RYR2: variants seen among roughly 807,000 people sequenced by gnomAD.
RYR2 encodes the protein ryanodine receptor 2, also known as cardiac muscle ryanodine receptor-calcium release channel.
In RYR2, 227 loss-of-function variants were observed where a neutral mutation model predicts 601.1. The ratio of observed to expected loss-of-function variants is 0.38; its 90% CI spans 0.34 to 0.42. The LOEUF is 0.42. Among genes scored for constraint, RYR2 ranks in the 10% least tolerant of loss-of-function variants. The pLI is 1.00. For synonymous variants in RYR2, 2,223 were observed against 2,175.1 expected (o/e 1.02, Z -0.61); for missense variants, 4,646 against 6,156.5 (o/e 0.75, Z 8.21).
chr1:237,091,550 G>A (rs141591348), intron 1 of RYR2, among the ~76,000 whole-genome samples: 1,530 of 152,026 alleles, frequency 0.01, 26 homozygotes, highest in African/African-American at 0.033. Flanking sequence ...TCAGCCTCCC[G>A]AGTAGCTGGG....
In RYR2 at chr1:237,460,534, C is replaced by T. The variant is rs190343061; in HGVS notation, c.1612+3799C>T. On this transcript the variant is annotated intron_variant, in intron 16 of 104. Transcript: ENST00000366574. The stretch of plus-strand genomic sequence containing the variant: ...TATGAACTGAATTCTAATCAGAATG[C>T]TTTTATTCACTACCTAGCACTATGC... Among the ~76,000 whole-genome samples the T allele has an allele frequency of 8.5e-5, 13 of 152,296 alleles. No individual in the cohort carries two copies. In the East Asian group the frequency reaches 2.1e-3, roughly 25 times the overall value.
chr1:237,570,841 T>C (rs996586656), intron 29 of RYR2, among the ~76,000 whole-genome samples: 42 of 152,128 alleles, frequency 2.8e-4, no homozygotes, highest in African/African-American at 9.9e-4. Context: ...ATAATTATCT[T>C]ATTTCAGCCA....
At chr1:237,152,823 A>G (rs1343759853) in intron 1 of RYR2, among the ~76,000 whole-genome samples, 1 of 152,198 alleles carries the variant, frequency 6.6e-6, no homozygotes, top group African/African-American at 2.4e-5. Context: ...TCATTAAACT[A>G]AAGAGCCTGT....
intron 2 of RYR2, among the ~76,000 whole-genome samples, chr1:237,329,058 C>T (rs1355377492): frequency 1.3e-5 from 2 of 152,122 alleles, no homozygotes; most frequent in Non-Finnish European, 2.9e-5. Context: ...GGTTCTAACT[C>T]ACCAATCAGT....
intron 4 of RYR2, among the ~76,000 whole-genome samples, chr1:237,356,385 G>A (rs1448627934): frequency 1.3e-5 from 2 of 150,048 alleles, no homozygotes. Context: ...TGCATGTACT[G>A]TAGAAGAAGA....
Position 237,566,162 on chromosome 1 carries a change from C to T in RYR2, c.3215-405C>T, listed in dbSNP as rs141255085. ...GCTTCGTCTTCCCTCTTCTCTCTCACCCGTACATGTCTACTCATTTCTTAT... is the reference window on the plus strand; with the variant it reads ...GCTTCGTCTTCCCTCTTCTCTCTCATCCGTACATGTCTACTCATTTCTTAT... On this transcript the variant is annotated intron_variant, in intron 27 of 104. Transcript: ENST00000366574. Among the ~76,000 whole-genome samples, 1,446 of 152,282 alleles carry T rather than the reference C, an allele frequency of 9.5e-3. 20 individuals are homozygous for T. The highest frequency in any genetic ancestry group is 0.032 in the African/African-American group (1,349 of 41,562).
chr1:237,203,555 G>T (rs994323594), intron 1 of RYR2, among the ~76,000 whole-genome samples: 5 of 152,062 alleles, frequency 3.3e-5, no homozygotes, highest in African/African-American at 1.2e-4. Context: ...ACAATTATTT[G>T]CCCCAATGGA....
intron 1 of RYR2, among the ~76,000 whole-genome samples, chr1:237,257,179 A>G (rs1688076355): frequency 6.6e-6 from 1 of 152,152 alleles, no homozygotes; most frequent in Admixed American, 6.6e-5. Flanking sequence ...TGAGGCTAGG[A>G]GCATAGATTT....
chr1:237,777,458 A>G (rs951288741), intron 87 of RYR2, among the ~76,000 whole-genome samples: 6 of 152,180 alleles, frequency 3.9e-5, no homozygotes, highest in Non-Finnish European at 1.5e-5. Context: ...GTGGCCTGCA[A>G]TTTAAAGGTA....
At chr1:237,596,886 A>G (rs1280343095) in intron 34 of RYR2, among the ~76,000 whole-genome samples, 1 of 152,228 alleles carries the variant, frequency 6.6e-6, no homozygotes, top group Non-Finnish European at 1.5e-5. Context: ...GTCAGCCAAG[A>G]ATACTATGTC....
intron 101 of RYR2, among the ~76,000 whole-genome samples, chr1:237,824,585 A>C (rs531602979): frequency 3.7e-4 from 57 of 152,344 alleles, no homozygotes; most frequent in African/African-American, 1.1e-3. Context: ...CTGAATGGCC[A>C]AAAACTGGAA....
rs149466041 is a variant in RYR2 at position 237,290,197 on chromosome 1, A to C, written c.168+19581A>C. 1.8e-3 allele frequency among the ~76,000 whole-genome samples: 275 copies of C among 152,346 alleles called. 10 individuals are homozygous for C. The East Asian group carries it at 0.043, about 24-fold the overall frequency. On this transcript the variant is annotated intron_variant, in intron 2 of 104. Coordinates refer to ENST00000366574, the MANE Select transcript of RYR2 (RefSeq NM_001035.3). ...GTGGTAACAAAAAGAATGAACTATT[A>C]ATCTGTGCAACAACATGGATGCAAC...
At chr1:237,644,983 C>T (rs986579549) in intron 48 of RYR2, among the ~76,000 whole-genome samples, 10 of 152,030 alleles carry the variant, frequency 6.6e-5, no homozygotes, top group African/African-American at 2.4e-4. Flanking sequence ...TGCAGTGAGC[C>T]GAGATTGCAC....
intron 64 of RYR2, among the ~76,000 whole-genome samples, chr1:237,699,527 C>T (rs1456269812): frequency 5.9e-5 from 9 of 152,160 alleles, no homozygotes; most frequent in African/African-American, 2.2e-4. Context: ...TGACCAAATA[C>T]AAAATCAGTT....
intron 2 of RYR2, among the ~76,000 whole-genome samples, chr1:237,284,664 C>A: frequency 3.1e-5 from 2 of 64,052 alleles, no homozygotes; most frequent in South Asian, 7.5e-4. Flanking sequence ...ATATATTCCA[C>A]CATATATATA....
chr1:237,674,270 T>G lies in RYR2; in HGVS notation c.8714+51T>G. The G allele has an allele frequency of 3.6e-6, 5 of 1,387,260 alleles. No homozygotes were observed. In the South Asian group the frequency reaches 4.8e-5, roughly 13 times the overall value. The allele number at this position is 1,387,260 out of a possible 1,614,324, so 85.9% of individuals were successfully genotyped here. A position where few individuals can be genotyped will look rare whatever the true frequency, so the allele number is the denominator to read the frequency against. On this transcript the variant is annotated intron_variant, in intron 59 of 104. Transcript: ENST00000366574. ...ACACTCTTTTCACAAGAGTGAATAT[T>G]TAAATATCTCCATCATATTTAAAGC...
At chr1:237,219,515 T>C (rs1297921673) in intron 1 of RYR2, among the ~76,000 whole-genome samples, 1 of 152,162 alleles carries the variant, frequency 6.6e-6, no homozygotes, top group African/African-American at 2.4e-5. Flanking sequence ...AACCAGAGTT[T>C]GGTCAAATGC....
intron 84 of RYR2, among the ~76,000 whole-genome samples, chr1:237,768,685 C>G (rs888144936): frequency 6.6e-6 from 1 of 152,174 alleles, no homozygotes; most frequent in Non-Finnish European, 1.5e-5. Context: ...GACTGCTGAT[C>G]CTGTACCTTC....
At chr1:237,549,911 G>A (rs1423249753) in intron 26 of RYR2, among the ~76,000 whole-genome samples, 1 of 152,118 alleles carries the variant, frequency 6.6e-6, no homozygotes, top group Non-Finnish European at 1.5e-5. Context: ...AAGATAGTAA[G>A]ATAGCCTGTT....
Sources: gnomAD v4.1 joint callset for allele counts (sites outside exome capture counted in the v4.1 genomes callset) on GRCh38, gnomAD v4.1.1 for gene constraint, MANE v1.5 for transcripts, NCBI Gene and HGNC (gene_info 2026-07-23, HGNC 2026-07-21) for gene names.